The following MT1B variants were observed in gnomAD, a reference collection of about 807,000 sequenced individuals.
MT1B encodes metallothionein 1B.
Under a neutral mutation model 7.9 loss-of-function variants are expected in MT1B, and 4 were observed. The ratio of observed to expected loss-of-function variants is 0.51; its 90% CI spans 0.25 to 1.16. MT1B has a LOEUF of 1.16. Among genes scored for constraint, MT1B ranks in the 50% most tolerant of loss-of-function variants. The pLI is 0.15. For missense variants in MT1B, 76 were observed against 75.2 expected (o/e 1.01, Z -0.04); for synonymous variants, 22 against 27.6 (o/e 0.80, Z 0.63).
At chr16:56,652,020 C>T (rs1170428916) in intron 1 of MT1B, 39 bp downstream of exon 1, 2 of 1,612,566 alleles carry the variant, frequency 1.2e-6, no homozygotes, top group Non-Finnish European at 1.7e-6. Context: ...GATGCCCATT[C>T]CCGGCCACTG....
chr16:56,652,824 A>G, intron 2 of MT1B, 150 bp from the exon 3 acceptor site: 2 of 1,161,900 alleles, frequency 1.7e-6, no homozygotes, highest in Non-Finnish European at 2.6e-6. Flanking sequence ...TTGGGACACA[A>G]ACCTCAAATG....
In MT1B at chr16:56,653,183, C is replaced by T; in HGVS notation, c.*118C>T. 5.5e-6 allele frequency: 5 copies of T among 915,720 alleles called. No individual in the cohort carries two copies. The South Asian group carries it at 7.9e-5, about 14-fold the overall frequency. 56.7% of individuals were successfully genotyped at this position (915,720 alleles called of 1,614,324 possible). On this transcript the variant is annotated 3_prime_UTR_variant, in exon 3 of 3. Transcript: ENST00000334346. The stretch of plus-strand genomic sequence containing the variant: ...TTTTTTCTATTCAATATGTGAAAGA[C>T]AATAAAACACTTTTGACTTGATTCT...
rs567673741 is a variant in MT1B, at chr16:56,653,142, C to G, written c.*77C>G. 7.3e-7 allele frequency: 1 copy of G among 1,362,958 alleles called. No individual in the cohort carries two copies. The highest frequency in any genetic ancestry group is 1.5e-5 in the African/African-American group (1 of 68,708). The allele number at this position is 1,362,958 out of a possible 1,614,324, so 84.4% of individuals were successfully genotyped here. A position where few individuals can be genotyped will look rare whatever the true frequency, so the allele number is the denominator to read the frequency against. ...GGATTTTTTTTTTTAACTACCCTGA[C>G]CGGTTTGCTACATTCTTTTTTCTAT... On this transcript the variant is annotated 3_prime_UTR_variant, in exon 3 of 3. Transcript: ENST00000334346.
Position 56,652,568 on chromosome 16 carries a change from C to G in MT1B, c.29-3C>G. On this transcript the variant is annotated splice_region_variant and splice_polypyrimidine_tract_variant and intron_variant, in intron 1 of 2. Transcript: ENST00000334346. Reference sequence around the variant, plus strand: ...GCCCACTGCCTTTTTCGCTTCCTTGCAGGTGGCTCCTGTGCCTGCGCCGGC... The same window carrying G: ...GCCCACTGCCTTTTTCGCTTCCTTGGAGGTGGCTCCTGTGCCTGCGCCGGC... The G allele has an allele frequency of 6.2e-7, 1 of 1,613,872 alleles. No individual in the cohort carries two copies. The highest frequency in any genetic ancestry group is 2.2e-5 in the East Asian group (1 of 44,870).
rs148916841 is a variant in MT1B, at chr16:56,653,058, G to A, written c.179G>A (p.Cys60Tyr). The A allele has an allele frequency of 6.8e-5, 110 of 1,613,958 alleles. No homozygotes were observed. In the African/African-American group the frequency reaches 1.2e-3, roughly 17 times the overall value. Reference sequence around the variant, plus strand: ...GGCTCATCAGAGAAGTGCCGCTGCTGTGCCTGATGTTGGGAGAGCCCTGCT... The same window carrying A: ...GGCTCATCAGAGAAGTGCCGCTGCTATGCCTGATGTTGGGAGAGCCCTGCT... ...CKGSSEKCRC[C>Y]A The change falls in exon 3 of 3, where the codon TGT (cysteine) becomes TAT (tyrosine). Residue 60 changes from cysteine to tyrosine, a missense_variant. By Grantham distance (194) the Cys-to-Tyr change is radical. Transcript: ENST00000334346.
At chr16:56,652,673 G>A (rs983607770) in intron 2 of MT1B, 37 bp downstream of exon 2, 17 of 1,611,628 alleles carry the variant, frequency 1.1e-5, no homozygotes, top group Non-Finnish European at 1.4e-5. Context: ...CTGGGGCTGT[G>A]GCTAAGCTTG....
At position 56,652,710 on chromosome 16, in the gene MT1B, T is replaced by C. The variant is rs1456336141; in HGVS notation, c.94+74T>C. 19 of 1,561,640 alleles carry C rather than the reference T, an allele frequency of 1.2e-5. No homozygotes were observed. The Middle Eastern group carries it at 5.1e-4, about 42-fold the overall frequency. On this transcript the variant is annotated intron_variant, in intron 2 of 2. Coordinates refer to ENST00000334346, the MANE Select transcript of MT1B (RefSeq NM_005947.3). ...AAGGGAACACAAGGCTGGCCCTGAG[T>C]GCATGCTTTTGGGAACTGGTCTTCC...
chr16:56,653,098 G>C lies in MT1B; in HGVS notation c.*33G>C, dbSNP rs115278874. On this transcript the variant is annotated 3_prime_UTR_variant, in exon 3 of 3. Coordinates refer to ENST00000334346, the MANE Select transcript of MT1B (RefSeq NM_005947.3). ...AGAGCCCTGCTCCCAGACATAAATAGAGCAACCAGTACTAACCTGGATTTT... is the reference window on the plus strand; with the variant it reads ...AGAGCCCTGCTCCCAGACATAAATACAGCAACCAGTACTAACCTGGATTTT... The C allele has an allele frequency of 1.2e-6, 2 of 1,609,582 alleles. No individual in the cohort carries two copies. The highest frequency in any genetic ancestry group is 1.1e-5 in the South Asian group (1 of 90,866).
intron 1 of MT1B, 48 bp from the exon 2 acceptor site, chr16:56,652,522 AC>A (rs1178887171): frequency 3.8e-6 from 6 of 1,569,222 alleles, no homozygotes; most frequent in Non-Finnish European, 5.3e-6. Flanking sequence ...TCACTGCTGT[AC>A]CTTCTGCATC....
rs765651296 is a variant in MT1B at position 56,651,918 on chromosome 16, T to C, written c.-36T>C. 6.2e-6 allele frequency: 10 copies of C among 1,613,734 alleles called. No homozygotes were observed. The highest frequency in any genetic ancestry group is 7.6e-6 in the Non-Finnish European group (9 of 1,179,608). ...CTTCCTCCTGCCCTGACTTCTCATA[T>C]CTTGCCTAGGAACTCCAGGCTTGTC... is the stretch of plus-strand genomic sequence containing the variant. On this transcript the variant is annotated 5_prime_UTR_variant, in exon 1 of 3. Transcript: ENST00000334346.
intron 1 of MT1B, 126 bp from the exon 2 acceptor site, chr16:56,652,445 T>C: frequency 1.1e-6 from 1 of 945,750 alleles, no homozygotes; most frequent in Non-Finnish European, 1.7e-6. Context: ...GTTCCTCCGC[T>C]CTGAGTGGGA....
rs1212717675 is a variant in MT1B at position 56,651,941 on chromosome 16, G to C, written c.-13G>C. The stretch of plus-strand genomic sequence containing the variant: ...TATCTTGCCTAGGAACTCCAGGCTT[G>C]TCTTGGCTCCAAATGGATCCCAACT... On this transcript the variant is annotated 5_prime_UTR_variant, in exon 1 of 3. Transcript: ENST00000334346. 2 of 1,614,232 alleles carry C rather than the reference G, an allele frequency of 1.2e-6. No homozygotes were observed. The highest frequency in any genetic ancestry group is 2.2e-5 in the South Asian group (2 of 91,084).
Position 56,651,975 on chromosome 16 carries a change from A to T in MT1B, c.22A>T (p.Thr8Ser). Residue 8 changes from threonine (T) to serine (S), a missense_variant, in exon 1 of 3, where the codon ACC (threonine) becomes TCC (serine). Thr to Ser is a moderately conservative substitution (Grantham distance 58). Coordinates refer to ENST00000334346, the MANE Select transcript of MT1B (RefSeq NM_005947.3). The part of the protein sequence containing the change: MDPNCSC[T>S]TGGSCACAGS... ...CCAAATGGATCCCAACTGCTCCTGC[A>T]CCACAGGTAAGGGACGCCTGGCTCT... 1 of 1,614,234 alleles carries T rather than the reference A, an allele frequency of 6.2e-7. No homozygotes were observed. Among genetic ancestry groups the T allele is most frequent in the Non-Finnish European group, 8.5e-7 (1 of 1,180,038 alleles).
Position 56,651,914 on chromosome 16 carries a change from C to T in MT1B, c.-40C>T, listed in dbSNP as rs759860540. On this transcript the variant is annotated 5_prime_UTR_variant, in exon 1 of 3. Coordinates refer to ENST00000334346, the MANE Select transcript of MT1B (RefSeq NM_005947.3). ...ACACCTTCCTCCTGCCCTGACTTCTCATATCTTGCCTAGGAACTCCAGGCT... is the reference window on the plus strand; with the variant it reads ...ACACCTTCCTCCTGCCCTGACTTCTTATATCTTGCCTAGGAACTCCAGGCT... 7.4e-6 allele frequency: 12 copies of T among 1,613,394 alleles called. No individual in the cohort carries two copies. The highest frequency in any genetic ancestry group is 1.0e-5 in the Non-Finnish European group (12 of 1,179,288).
chr16:56,652,870 C>A, intron 2 of MT1B, 104 bp from the exon 3 acceptor site: 3 of 1,354,760 alleles, frequency 2.2e-6, no homozygotes, highest in South Asian at 2.4e-5. Flanking sequence ...CCTAAAAATG[C>A]ATCCTCTGGG....
Position 56,652,609 on chromosome 16 carries a change from G to C in MT1B, c.67G>C (p.Glu23Gln). 2 of 1,614,090 alleles carry C rather than the reference G, an allele frequency of 1.2e-6. No homozygotes were observed. The highest frequency in any genetic ancestry group is 2.2e-5 in the South Asian group (2 of 91,090). ...CTGCGCCGGCTCCTGCAAGTGCAAA[G>C]AGTGCAAATGTACCTCCTGCAAGAA... is the stretch of plus-strand genomic sequence containing the variant. ...CACAGSCKCKECKCTSCKKCC... is the reference protein window; with the variant it reads ...CACAGSCKCKQCKCTSCKKCC... The change falls in exon 2 of 3, where the codon GAG (glutamate) becomes CAG (glutamine). Residue 23 changes from glutamate (E) to glutamine (Q), a missense_variant. Transcript: ENST00000334346.
Position 56,652,501 on chromosome 16 carries a change from C to T in MT1B, c.29-70C>T, listed in dbSNP as rs946340482. On this transcript the variant is annotated intron_variant, in intron 1 of 2. Transcript: ENST00000334346. ...CCTGCACAGAGGATGGCGCACTGGACACTCATGGACTCACTGCTGTACCTT... is the reference window on the plus strand; with the variant it reads ...CCTGCACAGAGGATGGCGCACTGGATACTCATGGACTCACTGCTGTACCTT... The T allele has an allele frequency of 2.8e-6, 4 of 1,432,708 alleles. No individual in the cohort carries two copies. In the Admixed American group the frequency reaches 6.7e-5, roughly 24 times the overall value. The allele number at this position is 1,432,708 out of a possible 1,614,324, so 88.7% of individuals were successfully genotyped here.
In MT1B at chr16:56,653,133, C is replaced by A; in HGVS notation, c.*68C>A. 1 of 1,409,980 alleles carries A rather than the reference C, an allele frequency of 7.1e-7. No individual in the cohort carries two copies. The highest frequency in any genetic ancestry group is 9.9e-7 in the Non-Finnish European group (1 of 1,008,584). 87.3% of individuals were successfully genotyped at this position (1,409,980 alleles called of 1,614,324 possible). A position where few individuals can be genotyped will look rare whatever the true frequency, so the allele number is the denominator to read the frequency against. On this transcript the variant is annotated 3_prime_UTR_variant, in exon 3 of 3. Coordinates refer to ENST00000334346, the MANE Select transcript of MT1B (RefSeq NM_005947.3). ...TACTAACCTGGATTTTTTTTTTTAACTACCCTGACCGGTTTGCTACATTCT... is the reference window on the plus strand; with the variant it reads ...TACTAACCTGGATTTTTTTTTTTAAATACCCTGACCGGTTTGCTACATTCT...
chr16:56,652,089 C>T, intron 1 of MT1B, 108 bp downstream of exon 1: 1 of 1,410,958 alleles, frequency 7.1e-7, no homozygotes, highest in East Asian at 2.3e-5. Context: ...GAAGGGAACT[C>T]GTTTACTTTT....
Sources: gnomAD v4.1 joint callset for allele counts on GRCh38, gnomAD v4.1.1 for gene constraint, MANE v1.5 for transcripts, NCBI Gene and HGNC (gene_info 2026-07-23, HGNC 2026-07-21) for gene names.